LYSMD1: variants seen among roughly 807,000 people sequenced by gnomAD.
LYSMD1 encodes LysM domain containing 1, also known as lysM and putative peptidoglycan-binding domain-containing protein 1.
A neutral mutation model predicts 19.3 loss-of-function variants in LYSMD1; 9 were observed. That is an observed-to-expected ratio of 0.47 (90% CI 0.28 to 0.81). LYSMD1 has a LOEUF of 0.81. Ranked by LOEUF, LYSMD1 falls within the 40% of genes least tolerant of loss-of-function variation. LYSMD1 has a pLI of 0.11. For synonymous variants in LYSMD1, 111 were observed against 111.7 expected, an observed-to-expected ratio of 0.99 and a Z score of 0.04; for missense variants, 262 against 279.8, an observed-to-expected ratio of 0.94 and a Z score of 0.45.
At chr1:151,149,987 T>G in the LYSMD1 span, among the ~76,000 whole-genome samples, 1 of 152,236 alleles carries the variant, frequency 6.6e-6, no homozygotes, top group African/African-American at 2.4e-5. Flanking sequence ...TCTCTCATCC[T>G]AGTGAATGCC....
downstream of LYSMD1, chr1:151,159,319 T>C (rs1683352047): frequency 6.8e-7 from 1 of 1,472,936 alleles, no homozygotes; most frequent in East Asian, 2.3e-5. Context: ...ATAATGGGCT[T>C]CCTAACCCTG....
chr1:151,165,366 C>T lies in LYSMD1; in HGVS notation c.-108G>A. 5 of 1,499,434 alleles carry T rather than the reference C, an allele frequency of 3.3e-6. No individual in the cohort carries two copies. The highest frequency in any genetic ancestry group is 3.6e-6 in the Non-Finnish European group (4 of 1,125,548). 92.9% of individuals were successfully genotyped at this position (1,499,434 alleles called of 1,614,324 possible). A position where few individuals can be genotyped will look rare whatever the true frequency, so the allele number is the denominator to read the frequency against. The stretch of plus-strand genomic sequence containing the variant: ...GAATATTCAGGGGATTCCTTTCCCC[C>T]TCTCTCTTCCCCTGTGTCCCCGCCT... On this transcript the variant is annotated 5_prime_UTR_variant, in exon 1 of 3. Coordinates refer to ENST00000368908, the MANE Select transcript of LYSMD1 (RefSeq NM_212551.5).
At chr1:151,155,841 T>C (rs915396750), downstream of LYSMD1, among the ~76,000 whole-genome samples, 1 of 152,062 alleles carries the variant, frequency 6.6e-6, no homozygotes, top group South Asian at 2.1e-4. Context: ...GTGCGTTGGC[T>C]CACACCTGTA....
the LYSMD1 span, among the ~76,000 whole-genome samples, chr1:151,153,137 G>A: frequency 6.6e-6 from 1 of 152,130 alleles, no homozygotes; most frequent in African/African-American, 2.4e-5. Context: ...TACTTCTTAG[G>A]ATCAAATAAG....
the LYSMD1 span, among the ~76,000 whole-genome samples, chr1:151,149,385 G>GGA: frequency 6.7e-6 from 1 of 150,000 alleles, no homozygotes; most frequent in African/African-American, 2.4e-5. Context: ...TGACACAGAG[G>GGA]GAGACTCTTA....
At position 151,165,682 on chromosome 1, in the gene LYSMD1, G is replaced by T; in HGVS notation, c.-424C>A. Reference sequence around the variant, plus strand: ...TTTGCTAGAGTCAGGAACAAATCAGGCCCACCCCAGGTGAACTGTCGCCGC... The same window carrying T: ...TTTGCTAGAGTCAGGAACAAATCAGTCCCACCCCAGGTGAACTGTCGCCGC... On this transcript the variant is annotated 5_prime_UTR_variant, in exon 1 of 3. Coordinates refer to ENST00000368908, the MANE Select transcript of LYSMD1 (RefSeq NM_212551.5). The T allele has an allele frequency of 1.9e-6, 3 of 1,551,200 alleles. No homozygotes were observed. Among genetic ancestry groups the T allele is most frequent in the Non-Finnish European group, 2.6e-6 (3 of 1,146,958 alleles).
chr1:151,150,822 C>T, the LYSMD1 span, among the ~76,000 whole-genome samples: 1 of 151,326 alleles, frequency 6.6e-6, no homozygotes, highest in African/African-American at 2.4e-5. Flanking sequence ...TCACTGCAAC[C>T]TCCACCTCCT....
chr1:151,162,112 A>AC lies in LYSMD1; in HGVS notation c.181-13_181-12insG. ...TTAATCTGTTCCATCTTAAAAAAAA[A>AC]AGTCACCAAAATTAAGGACAGTAAT... On this transcript the variant is annotated splice_polypyrimidine_tract_variant and intron_variant, in intron 1 of 2. Transcript: ENST00000368908. The AC allele has an allele frequency of 6.3e-7, 1 of 1,581,424 alleles. No individual in the cohort carries two copies. Among genetic ancestry groups the AC allele is most frequent in the African/African-American group, 1.4e-5 (1 of 72,282 alleles).
At chr1:151,162,209 G>C (rs1462833188) in intron 1 of LYSMD1, 109 bp from the exon 2 acceptor site, 2 of 1,067,344 alleles carry the variant, frequency 1.9e-6, no homozygotes, top group Non-Finnish European at 2.7e-6. Flanking sequence ...TAACAACCAA[G>C]CTAAAGTACA....
chr1:151,159,748 T>C lies in LYSMD1; in HGVS notation c.*1134A>G, dbSNP rs900581402. 7 of 177,908 alleles carry C rather than the reference T, an allele frequency of 3.9e-5. No individual in the cohort carries two copies. The highest frequency in any genetic ancestry group is 1.7e-4 in the East Asian group (1 of 5,818). The allele number at this position is 177,908 out of a possible 1,614,324, so 11.0% of individuals were successfully genotyped here. A position where few individuals can be genotyped will look rare whatever the true frequency, so the allele number is the denominator to read the frequency against. On this transcript the variant is annotated 3_prime_UTR_variant, in exon 3 of 3. Transcript: ENST00000368908. ...TAGGGGAAATAAAACTACTAAAATA[T>C]GCACAGGGCTCAATGTTTAATCTGT...
At chr1:151,158,659 C>A, downstream of LYSMD1, 9 of 1,512,844 alleles carry the variant, frequency 5.9e-6, no homozygotes, top group Non-Finnish European at 8.0e-6. Flanking sequence ...TGTGGCCTTT[C>A]TTCTAGTGAC....
downstream of LYSMD1, chr1:151,158,533 T>C (rs1572062728): frequency 4.7e-6 from 3 of 641,922 alleles, no homozygotes; most frequent in Non-Finnish European, 8.1e-6. Context: ...GAGCAAGGCA[T>C]AGAGGACTGA....
At chr1:151,163,244 G>A (rs1180644874) in intron 1 of LYSMD1, among the ~76,000 whole-genome samples, 1 of 151,800 alleles carries the variant, frequency 6.6e-6, no homozygotes, top group Non-Finnish European at 1.5e-5. Flanking sequence ...GGCTCCCAAT[G>A]CATACTGTAA....
At position 151,161,020 on chromosome 1, in the gene LYSMD1, C is replaced by G. The variant is rs953320807; in HGVS notation, c.546G>C (p.Gly182=). Residue 182 remains glycine, a splice_region_variant and synonymous_variant, in exon 3 of 3, where the codon GGG becomes GGC. Transcript: ENST00000368908. ...GGAGACCTGCATCCTCCCCAGGTAC[C>G]CTGCAATTGAGGAAAGGGGGGAAAG... ...AAQKLKKGEN[G]VPGEDAGLHL... The G allele has an allele frequency of 6.2e-7, 1 of 1,613,502 alleles. No homozygotes were observed. The highest frequency in any genetic ancestry group is 1.3e-5 in the African/African-American group (1 of 75,024).
the LYSMD1 span, among the ~76,000 whole-genome samples, chr1:151,152,484 G>A: frequency 1.3e-5 from 2 of 151,614 alleles, no homozygotes; most frequent in African/African-American, 2.4e-5. Context: ...GGCGAATCAT[G>A]AGGTCAGGAG....
the LYSMD1 span, among the ~76,000 whole-genome samples, chr1:151,152,572 C>T: frequency 1.4e-4 from 21 of 150,872 alleles, no homozygotes; most frequent in East Asian, 9.7e-4. Context: ...TGGGGGTGCG[C>T]GCCTGTAATC....
chr1:151,163,997 G>A (rs1446146467), intron 1 of LYSMD1, among the ~76,000 whole-genome samples: 5 of 150,032 alleles, frequency 3.3e-5, no homozygotes, highest in Non-Finnish European at 5.9e-5. Flanking sequence ...GGGTTCAAGC[G>A]ATTCTCCCGC....
chr1:151,149,645 G>A, the LYSMD1 span, among the ~76,000 whole-genome samples: 3 of 152,134 alleles, frequency 2.0e-5, no homozygotes, highest in African/African-American at 7.2e-5. Flanking sequence ...CAACTACTGG[G>A]GAGGCTGAGG....
At chr1:151,157,518 C>T (rs1408086127), downstream of LYSMD1, among the ~76,000 whole-genome samples, 4 of 152,200 alleles carry the variant, frequency 2.6e-5, no homozygotes, top group Non-Finnish European at 4.4e-5. Context: ...TAGCAGAAGG[C>T]TCAGACCTTC....
Sources: allele counts gnomAD v4.1 joint callset (sites outside exome capture counted in the v4.1 genomes callset), GRCh38; gene constraint gnomAD v4.1.1; transcripts MANE v1.5; gene names NCBI Gene and HGNC (gene_info 2026-07-23, HGNC 2026-07-21).